The following CEP95 variants were observed in gnomAD, a reference collection of about 807,000 sequenced individuals.
CEP95 encodes centrosomal protein 95, also known as centrosomal protein of 95 kDa.
Under a neutral mutation model 111.2 loss-of-function variants are expected in CEP95, and 98 were observed. That is an observed-to-expected ratio of 0.88 (90% CI 0.75 to 1.04). The LOEUF (loss-of-function observed/expected upper bound fraction) is 1.04, where lower values mean the gene tolerates loss of function less well. Ranked by LOEUF, CEP95 falls within the 50% of genes least tolerant of loss-of-function variation. The probability of loss-of-function intolerance (pLI) is 0.00; values close to 1 mark genes in which losing one functional copy is unlikely to be tolerated. For missense variants in CEP95, 1,027 were observed against 977.2 expected (o/e 1.05, Z -0.68); for synonymous variants, 323 against 327.1 (o/e 0.99, Z 0.14).
At chr17:64,517,673 G>A (rs187149734) in intron 5 of CEP95, among the ~76,000 whole-genome samples, 10 of 149,910 alleles carry the variant, frequency 6.7e-5, no homozygotes, top group East Asian at 3.9e-4. Context: ...ACAGGTGTGC[G>A]CCACCACACC....
chr17:64,521,332 G>C, intron 6 of CEP95, 70 bp from the exon 7 acceptor site: 2 of 1,149,356 alleles, frequency 1.7e-6, no homozygotes, highest in South Asian at 2.9e-5. Flanking sequence ...AAAACTCTTG[G>C]CTTTTAGTAT....
chr17:64,520,923 TCTTA>T (rs1967282612), intron 6 of CEP95, among the ~76,000 whole-genome samples: 1 of 152,224 alleles, frequency 6.6e-6, no homozygotes. Context: ...CAAAATGGCA[TCTTA>T]CTTTCTGATA....
chr17:64,512,262 T>C (rs1568125163), intron 3 of CEP95, among the ~76,000 whole-genome samples: 1 of 152,224 alleles, frequency 6.6e-6, no homozygotes, highest in African/African-American at 2.4e-5. Flanking sequence ...TCTAGAAGCA[T>C]ATACAAGAAA....
At chr17:64,524,348 G>A (rs931969110) in intron 8 of CEP95, among the ~76,000 whole-genome samples, 8 of 151,878 alleles carry the variant, frequency 5.3e-5, no homozygotes, top group East Asian at 1.9e-4. Context: ...TCGCTGTGTC[G>A]CCCAGGCTGG....
rs1185022053 is a variant in CEP95 at position 64,534,464 on chromosome 17, G to GC, written c.1918-115dup. 9.5e-5 allele frequency: 81 copies of GC among 855,546 alleles called. No individual in the cohort carries two copies. In the East Asian group the frequency reaches 1.9e-3, roughly 20 times the overall value. 53.0% of individuals were successfully genotyped at this position (855,546 alleles called of 1,614,324 possible). On this transcript the variant is annotated intron_variant, in intron 16 of 19. Coordinates refer to ENST00000556440, the MANE Select transcript of CEP95 (RefSeq NM_138363.3). ...GGCTGAAGGGCTTCTGGGGCCACTG[G>GC]CCCCCCACACGTGACATACTGCCTG...
chr17:64,530,666 G>A (rs547248663), intron 12 of CEP95, among the ~76,000 whole-genome samples: 64 of 152,064 alleles, frequency 4.2e-4, no homozygotes, highest in South Asian at 1.2e-3. Flanking sequence ...GTGCCACCAC[G>A]CCCAGCTAAT....
Position 64,531,012 on chromosome 17 carries a change from G to T in CEP95, c.1533G>T (p.Glu511Asp), listed in dbSNP as rs782192624. ...IGPLRIHEKE[E>D]ETEKIYRGEA... ...CTCTAAGAATACATGAGAAGGAGGAGGAAACAGTGGGTAAAAGTCTCCACT... is the reference window on the plus strand; with the variant it reads ...CTCTAAGAATACATGAGAAGGAGGATGAAACAGTGGGTAAAAGTCTCCACT... Residue 511 changes from glutamate (E) to aspartate (D), a missense_variant, in exon 13 of 20, where the codon GAG becomes GAT. By Grantham distance (45) the Glu-to-Asp change is conservative. Coordinates refer to ENST00000556440, the MANE Select transcript of CEP95 (RefSeq NM_138363.3). 6.5e-7 allele frequency: 1 copy of T among 1,526,994 alleles called. No individual in the cohort carries two copies. Among genetic ancestry groups the T allele is most frequent in the East Asian group, 2.4e-5 (1 of 41,266 alleles). The allele number at this position is 1,526,994 out of a possible 1,614,324, so 94.6% of individuals were successfully genotyped here.
chr17:64,527,827 C>G (rs1555679429), intron 11 of CEP95, among the ~76,000 whole-genome samples: 1 of 149,828 alleles, frequency 6.7e-6, no homozygotes. Flanking sequence ...CTGGACATGA[C>G]TGAGTTCTTG....
At chr17:64,533,245 C>A in intron 16 of CEP95, 54 bp downstream of exon 16, 1 of 1,427,878 alleles carries the variant, frequency 7.0e-7, no homozygotes, top group Non-Finnish European at 9.6e-7. Flanking sequence ...TATTCATTCC[C>A]TTTATCTGTG....
At chr17:64,532,464 G>T in intron 14 of CEP95, 1 of 985,354 alleles carries the variant, frequency 1.0e-6, no homozygotes, top group Non-Finnish European at 1.2e-6. Flanking sequence ...TACACCCAAA[G>T]ACTGCTGGCC....
intron 3 of CEP95, among the ~76,000 whole-genome samples, chr17:64,513,486 G>C (rs2038991240): frequency 6.6e-6 from 1 of 152,152 alleles, no homozygotes; most frequent in African/African-American, 2.4e-5. Context: ...TTAAAAATCT[G>C]TTACGGAGTA....
Position 64,507,120 on chromosome 17 carries a change from A to T in CEP95, c.19+4A>T. On this transcript the variant is annotated splice_donor_region_variant and intron_variant, in intron 1 of 19. Transcript: ENST00000556440. ...AACATGGCAGGCTCGGATGCTGGTG[A>T]GTGTCTCCCTGGGGTCCCAGTATGT... is the stretch of plus-strand genomic sequence containing the variant. 1 of 1,551,224 alleles carries T rather than the reference A, an allele frequency of 6.4e-7. No individual in the cohort carries two copies. Among genetic ancestry groups the T allele is most frequent in the South Asian group, 1.2e-5 (1 of 84,058 alleles).
intron 4 of CEP95, among the ~76,000 whole-genome samples, chr17:64,515,015 A>G (rs1215496184): frequency 1.3e-5 from 2 of 152,210 alleles, no homozygotes; most frequent in Non-Finnish European, 2.9e-5. Flanking sequence ...TTATAGTGAG[A>G]CCTGTGATAG....
intron 5 of CEP95, among the ~76,000 whole-genome samples, chr17:64,518,452 G>A (rs781824655): frequency 2.6e-5 from 4 of 152,122 alleles, no homozygotes; most frequent in African/African-American, 4.8e-5. Flanking sequence ...GCAATGCTGG[G>A]TTACAGGACC....
chr17:64,522,907 A>T lies in CEP95; in HGVS notation c.909+12A>T, dbSNP rs566930818. 1 of 1,592,718 alleles carries T rather than the reference A, an allele frequency of 6.3e-7. No homozygotes were observed. Among genetic ancestry groups the T allele is most frequent in the South Asian group, 1.1e-5 (1 of 88,800 alleles). On this transcript the variant is annotated intron_variant, in intron 8 of 19. Coordinates refer to ENST00000556440, the MANE Select transcript of CEP95 (RefSeq NM_138363.3). ...CGGAATTTTCTGGGGTAAGTGGAAAAGCTTACTTTCAGTTGGCTAGAAGTA... is the reference window on the plus strand; with the variant it reads ...CGGAATTTTCTGGGGTAAGTGGAAATGCTTACTTTCAGTTGGCTAGAAGTA...
Position 64,537,722 on chromosome 17 carries a change from C to T in CEP95, c.2409C>T (p.Arg803=), listed in dbSNP as rs1358730228. Residue 803 remains arginine, a synonymous_variant, in exon 20 of 20, where the codon CGC becomes CGT. Transcript: ENST00000556440. ...DVFFRELEAE[R]FRSRLQLASF... ...TCTTCCGGGAACTGGAAGCTGAGCG[C>T]TTCAGATCTCGGCTTCAGCTGGCTT... 6.2e-7 allele frequency: 1 copy of T among 1,612,018 alleles called. No individual in the cohort carries two copies. Among genetic ancestry groups the T allele is most frequent in the Admixed American group, 1.7e-5 (1 of 59,748 alleles).
intron 5 of CEP95, among the ~76,000 whole-genome samples, chr17:64,517,556 A>C (rs189811023): frequency 5.0e-4 from 76 of 151,878 alleles, no homozygotes; most frequent in South Asian, 4.2e-4. Context: ...CTGCTTTTTT[A>C]ATAAAGAGAC....
chr17:64,532,801 C>T, intron 14 of CEP95, 38 bp from the exon 15 acceptor site: 1 of 1,583,306 alleles, frequency 6.3e-7, no homozygotes, highest in South Asian at 1.2e-5. Flanking sequence ...AGTTCTTGTC[C>T]ACGTCTCAGA....
At chr17:64,524,656 G>A (rs1967650735) in intron 8 of CEP95, among the ~76,000 whole-genome samples, 1 of 152,168 alleles carries the variant, frequency 6.6e-6, no homozygotes, top group African/African-American at 2.4e-5. Flanking sequence ...AGATAATGAA[G>A]TGAAATTAAA....
Sources: gnomAD v4.1 joint callset for allele counts (sites outside exome capture counted in the v4.1 genomes callset) on GRCh38, gnomAD v4.1.1 for gene constraint, MANE v1.5 for transcripts, NCBI Gene and HGNC (gene_info 2026-07-23, HGNC 2026-07-21) for gene names.